Variants in NHERF1 observed in about 807,000 individuals in gnomAD.
NHERF1 encodes NHERF family PDZ scaffold protein 1.
At chr17:74,749,120 G>A in the NHERF1 span, 4 of 1,573,360 alleles carry the variant, frequency 2.5e-6, no homozygotes, top group Admixed American at 1.9e-5. This position sits in a 1 kb window ranked among gnomAD's most constrained non-coding sequence, Gnocchi z 5.6. Context: ...GCTGGTGGTC[G>A]ACCCCGAGAC....
chr17:74,760,034 T>C, the NHERF1 span, among the ~76,000 whole-genome samples: 1 of 152,174 alleles, frequency 6.6e-6, no homozygotes, highest in Non-Finnish European at 1.5e-5. The surrounding 1 kb of genome is among the most constrained non-coding windows in gnomAD (Gnocchi z 4.5). Context: ...CCTCCCCACT[T>C]TCTCAGGGTG....
chr17:74,764,075 TC>T, the NHERF1 span, among the ~76,000 whole-genome samples: 3 of 151,886 alleles, frequency 2.0e-5, no homozygotes, highest in African/African-American at 7.3e-5. The surrounding 1 kb of genome is among the most constrained non-coding windows in gnomAD (Gnocchi z 4.9). Context: ...GCCTGGCGCC[TC>T]CCCCTGCCCA....
At chr17:74,769,007 A>C in the NHERF1 span, 4 of 361,280 alleles carry the variant, frequency 1.1e-5, no homozygotes, top group Non-Finnish European at 1.6e-5. Flanking sequence ...CATGTGATAA[A>C]TGGGTCCAGG....
the NHERF1 span, among the ~76,000 whole-genome samples, chr17:74,752,300 T>C: frequency 6.6e-6 from 1 of 151,234 alleles, no homozygotes; most frequent in African/African-American, 2.4e-5. Flanking sequence ...TTTTTAAGAG[T>C]TATATGCTGT....
chr17:74,761,373 T>A, the NHERF1 span, among the ~76,000 whole-genome samples: 12 of 152,210 alleles, frequency 7.9e-5, no homozygotes, highest in African/African-American at 2.9e-4. The surrounding 1 kb of genome is among the most constrained non-coding windows in gnomAD (Gnocchi z 4.3). Flanking sequence ...CCAGGTCCCC[T>A]TGCTGTGCTG....
the NHERF1 span, among the ~76,000 whole-genome samples, chr17:74,754,565 G>A: frequency 1.3e-5 from 2 of 151,836 alleles, no homozygotes; most frequent in Non-Finnish European, 2.9e-5. Flanking sequence ...ACCACACCCT[G>A]CTAATTTTTG....
At chr17:74,750,302 G>A in the NHERF1 span, among the ~76,000 whole-genome samples, 1 of 152,210 alleles carries the variant, frequency 6.6e-6, no homozygotes, top group Non-Finnish European at 1.5e-5. Context: ...CCAGAGAGTG[G>A]AGTGGTGCAT....
At chr17:74,748,974 A>C in the NHERF1 span, 5 of 1,606,996 alleles carry the variant, frequency 3.1e-6, no homozygotes, top group Non-Finnish European at 4.2e-6. The surrounding 1 kb of genome is among the most constrained non-coding windows in gnomAD (Gnocchi z 4.3). Flanking sequence ...CGGCTGGTGG[A>C]GCCCGGCTCG....
the NHERF1 span, among the ~76,000 whole-genome samples, chr17:74,759,706 T>C: frequency 2.6e-5 from 4 of 152,312 alleles, no homozygotes; most frequent in Admixed American, 2.6e-4. Context: ...AGAGAGCCCC[T>C]GTCTGCCCTC....
the NHERF1 span, among the ~76,000 whole-genome samples, chr17:74,750,720 T>C: frequency 6.7e-6 from 1 of 149,458 alleles, no homozygotes; most frequent in East Asian, 1.9e-4. Flanking sequence ...CGATTTGACA[T>C]TCTTTTTTTT....
At chr17:74,766,220 A>G in the NHERF1 span, among the ~76,000 whole-genome samples, 1 of 151,170 alleles carries the variant, frequency 6.6e-6, no homozygotes, top group Admixed American at 6.6e-5. Flanking sequence ...TTGTTTTGCC[A>G]GAGTCTTGCT....
At chr17:74,750,863 G>A in the NHERF1 span, among the ~76,000 whole-genome samples, 2 of 146,364 alleles carry the variant, frequency 1.4e-5, no homozygotes, top group South Asian at 4.5e-4. Context: ...GGAGGCGAAC[G>A]TGGAGGCCTG....
the NHERF1 span, chr17:74,763,009 C>T: frequency 1.8e-5 from 4 of 222,238 alleles, no homozygotes; most frequent in East Asian, 1.1e-4. Context: ...TCATTTTACA[C>T]GTGAGAAAAC....
the NHERF1 span, chr17:74,768,587 G>C: frequency 6.2e-7 from 1 of 1,614,122 alleles, no homozygotes; most frequent in African/African-American, 1.3e-5. Context: ...GGGCCCACCA[G>C]AAACGCAGCA....
the NHERF1 span, among the ~76,000 whole-genome samples, chr17:74,758,126 G>A: frequency 5.9e-5 from 9 of 152,228 alleles, no homozygotes; most frequent in Admixed American, 3.3e-4. This position sits in a 1 kb window ranked among gnomAD's most constrained non-coding sequence, Gnocchi z 4.3. Context: ...AGCAGGGAGC[G>A]GCCCTGGGCC....
chr17:74,765,557 CTT>C, the NHERF1 span, among the ~76,000 whole-genome samples: 7 of 128,802 alleles, frequency 5.4e-5, no homozygotes, highest in Non-Finnish European at 9.9e-5. Flanking sequence ...CGCGCCTGGC[CTT>C]TTTTTTTTTT....
chr17:74,760,781 T>C, the NHERF1 span, among the ~76,000 whole-genome samples: 2 of 152,214 alleles, frequency 1.3e-5, no homozygotes, highest in Non-Finnish European at 2.9e-5. The surrounding 1 kb of genome is among the most constrained non-coding windows in gnomAD (Gnocchi z 4.5). Context: ...GTCAATGACC[T>C]CACTGGGCCT....
chr17:74,758,918 C>G, the NHERF1 span, among the ~76,000 whole-genome samples: 1 of 152,190 alleles, frequency 6.6e-6, no homozygotes. The surrounding 1 kb of genome is among the most constrained non-coding windows in gnomAD (Gnocchi z 4.3). Flanking sequence ...AAGGGACTCC[C>G]CTGCCAGCCC....
the NHERF1 span, chr17:74,762,065 C>G: frequency 1.4e-5 from 22 of 1,614,026 alleles, no homozygotes; most frequent in South Asian, 2.4e-4. This position sits in a 1 kb window ranked among gnomAD's most constrained non-coding sequence, Gnocchi z 4.2. Flanking sequence ...GTGGCTATGG[C>G]TTCAACCTGC....
Sources: gnomAD v4.1 joint callset for allele counts (sites outside exome capture counted in the v4.1 genomes callset) on GRCh38, gnomAD v4.1.1 for gene constraint, Gnocchi (gnomAD v3.1) non-coding constraint, MANE v1.5 for transcripts, NCBI Gene and HGNC (gene_info 2026-07-23, HGNC 2026-07-21) for gene names.